DOCK1: variants seen among roughly 807,000 people sequenced by gnomAD.
DOCK1 encodes the protein dedicator of cytokinesis 1.
In DOCK1, 138 loss-of-function variants were observed where a neutral mutation model predicts 262.7. The observed-to-expected ratio is 0.53, with a 90% confidence interval of 0.46 to 0.61. The LOEUF (loss-of-function observed/expected upper bound fraction) is 0.61, where lower values mean the gene tolerates loss of function less well. Among genes scored for constraint, DOCK1 ranks in the 20% least tolerant of loss-of-function variants. The pLI, the probability that DOCK1 is intolerant of heterozygous loss-of-function variation, is 0.00. For synonymous variants in DOCK1, 866 were observed against 867.4 expected (o/e 1.00, Z 0.03); for missense variants, 1,908 against 2,370.7 (o/e 0.80, Z 4.05).
In DOCK1 at chr10:127,176,551, C is replaced by T. The variant is rs112781551; in HGVS notation, c.2847+48787C>T. Among the ~76,000 whole-genome samples, 250 of 152,288 alleles carry T rather than the reference C, an allele frequency of 1.6e-3. 1 individual carries two copies. The highest frequency in any genetic ancestry group is 5.7e-3 in the African/African-American group (237 of 41,566). ...GGCCTTTATGTTAAGGAAAATCACA[C>T]GGGCTGAGAGTCGCTGGCAGCACAG... On this transcript the variant is annotated intron_variant, in intron 27 of 51. Transcript: ENST00000623213. The surrounding 1 kb of genome is among the most constrained non-coding windows in gnomAD (Gnocchi z 4.4).
In DOCK1 at chr10:127,041,343, C is replaced by T. The variant is rs548243068; in HGVS notation, c.2011-1282C>T. Among the ~76,000 whole-genome samples the T allele has an allele frequency of 2.6e-5, 4 of 152,330 alleles. No individual in the cohort carries two copies. The South Asian group carries it at 8.3e-4, about 32-fold the overall frequency. ...GAACTCCCGACCTCAGGTGATCCGGCCTCCTCAGCCTCCCAAAGTGCTGAG... is the reference window on the plus strand; with the variant it reads ...GAACTCCCGACCTCAGGTGATCCGGTCTCCTCAGCCTCCCAAAGTGCTGAG... On this transcript the variant is annotated intron_variant, in intron 19 of 51. Transcript: ENST00000623213.
chr10:126,950,495 A>G (rs1426627761), intron 1 of DOCK1, among the ~76,000 whole-genome samples: 1 of 152,110 alleles, frequency 6.6e-6, no homozygotes, highest in Non-Finnish European at 1.5e-5. Context: ...GCTTTCTGGA[A>G]TAAGGGCAAT....
intron 3 of DOCK1, among the ~76,000 whole-genome samples, chr10:126,980,470 C>T (rs538493942): frequency 6.5e-4 from 99 of 152,282 alleles, no homozygotes; most frequent in African/African-American, 2.2e-3. Context: ...TCCCGAAGTG[C>T]CGGTTGCAGG....
intron 27 of DOCK1, among the ~76,000 whole-genome samples, chr10:127,204,608 G>C (rs2057628569): frequency 6.6e-6 from 1 of 152,090 alleles, no homozygotes; most frequent in Non-Finnish European, 1.5e-5. Context: ...AAAAAATAGA[G>C]ATGGGCGTTT....
intron 12 of DOCK1, among the ~76,000 whole-genome samples, chr10:127,016,963 A>G (rs374606810): frequency 1.2e-4 from 18 of 146,814 alleles, no homozygotes; most frequent in African/African-American, 4.2e-4. Context: ...GAGATATACC[A>G]CAAATACATA....
Position 127,175,551 on chromosome 10 carries a change from C to T in DOCK1, c.2847+47787C>T. On this transcript the variant is annotated intron_variant, in intron 27 of 51. Coordinates refer to ENST00000623213, the MANE Select transcript of DOCK1 (RefSeq NM_001290223.2). This position sits in a 1 kb window ranked among gnomAD's most constrained non-coding sequence, Gnocchi z 6.3. ...TCTCCTCCGCTCGTCATCTGCCGGGCAGAGTGACCACTGGCTGGCGGCTGC... is the reference window on the plus strand; with the variant it reads ...TCTCCTCCGCTCGTCATCTGCCGGGTAGAGTGACCACTGGCTGGCGGCTGC... 6.2e-7 allele frequency: 1 copy of T among 1,611,540 alleles called. No individual in the cohort carries two copies. Among genetic ancestry groups the T allele is most frequent in the Non-Finnish European group, 8.5e-7 (1 of 1,179,998 alleles).
intron 27 of DOCK1, among the ~76,000 whole-genome samples, chr10:127,143,693 G>A (rs2051500997): frequency 6.6e-6 from 1 of 152,166 alleles, no homozygotes; most frequent in Non-Finnish European, 1.5e-5. Context: ...TTGTCCAGAG[G>A]AAACTAAAAG....
At chr10:127,066,685 A>G (rs1455535370) in intron 23 of DOCK1, among the ~76,000 whole-genome samples, 1 of 152,222 alleles carries the variant, frequency 6.6e-6, no homozygotes, top group Admixed American at 6.5e-5. Context: ...TAGAAATAGC[A>G]TGAGCGCCTA....
intron 50 of DOCK1, 114 bp from the exon 51 acceptor site, chr10:127,447,280 G>A: frequency 6.8e-7 from 1 of 1,460,460 alleles, no homozygotes; most frequent in Admixed American, 2.3e-5. Context: ...TTTTCTGCCA[G>A]ATGAAGTGTT....
At chr10:127,186,996 G>A (rs2056333921) in intron 27 of DOCK1, among the ~76,000 whole-genome samples, 1 of 152,152 alleles carries the variant, frequency 6.6e-6, no homozygotes, top group Non-Finnish European at 1.5e-5. Context: ...GACTCCCAGC[G>A]TTTTGGTTGC....
chr10:126,951,818 G>A (rs1005607927), intron 1 of DOCK1, among the ~76,000 whole-genome samples: 45,746 of 150,890 alleles, frequency 0.3, 7,352 homozygotes, highest in Non-Finnish European at 0.36. Flanking sequence ...TGTACACTGA[G>A]TAAATGACTA....
chr10:126,948,652 G>T (rs1335423723), intron 1 of DOCK1, among the ~76,000 whole-genome samples: 2 of 151,962 alleles, frequency 1.3e-5, no homozygotes, highest in African/African-American at 4.8e-5. Flanking sequence ...GCAGGGTCAG[G>T]TATGCTGAGC....
chr10:126,960,004 C>T (rs1266826253), intron 1 of DOCK1, among the ~76,000 whole-genome samples: 1 of 152,120 alleles, frequency 6.6e-6, no homozygotes, highest in African/African-American at 2.4e-5. Flanking sequence ...GATGGGGTTT[C>T]ACCATGTTGG....
chr10:126,920,059 G>A (rs976819794), intron 1 of DOCK1, among the ~76,000 whole-genome samples: 11 of 152,236 alleles, frequency 7.2e-5, no homozygotes, highest in African/African-American at 1.2e-4. Flanking sequence ...CCTCCACCCC[G>A]GCTGTGGGAA....
rs536319972 is a variant in DOCK1, at chr10:127,166,135, G to A, written c.2847+38371G>A. 2.5e-4 allele frequency among the ~76,000 whole-genome samples: 38 copies of A among 152,116 alleles called. No homozygotes were observed. In the South Asian group the frequency reaches 5.4e-3, roughly 22 times the overall value. ...GGCTGGAGTGCAGGGGCACAATCTC[G>A]GCTCACTGCAAGCTCTGCCTCCCGG... is the stretch of plus-strand genomic sequence containing the variant. On this transcript the variant is annotated intron_variant, in intron 27 of 51. Transcript: ENST00000623213.
At chr10:127,284,108 T>C (rs773560396) in intron 29 of DOCK1, among the ~76,000 whole-genome samples, 1 of 152,194 alleles carries the variant, frequency 6.6e-6, no homozygotes, top group Non-Finnish European at 1.5e-5. Context: ...CCAAATGTAG[T>C]TTCTGTTTTT....
rs111288436 is a variant in DOCK1 at position 127,042,085 on chromosome 10, C to T, written c.2011-540C>T. Among the ~76,000 whole-genome samples, 366 of 152,274 alleles carry T rather than the reference C, an allele frequency of 2.4e-3. 1 individual carries two copies. Among genetic ancestry groups the T allele is most frequent in the African/African-American group, 7.7e-3 (320 of 41,566 alleles). The stretch of plus-strand genomic sequence containing the variant: ...TTTTAGTCAACTGTAACTGTAATTT[C>T]GACATTGTTGTTGAATAAAGTAAGC... On this transcript the variant is annotated intron_variant, in intron 19 of 51. Transcript: ENST00000623213.
At position 127,385,311 on chromosome 10, in the gene DOCK1, T is replaced by C. The variant is rs186375687; in HGVS notation, c.3927+402T>C. ...CCTGGTGGCTTCTAGTTTAATTGGC[T>C]TAAACAAAATTATAGATTCCACTTG... On this transcript the variant is annotated intron_variant, in intron 38 of 51. Transcript: ENST00000623213. 1.0e-3 allele frequency among the ~76,000 whole-genome samples: 154 copies of C among 152,290 alleles called. 1 individual carries two copies. Among genetic ancestry groups the C allele is most frequent in the Middle Eastern group, 3.4e-3 (1 of 294 alleles).
intron 29 of DOCK1, among the ~76,000 whole-genome samples, chr10:127,280,236 G>A (rs577276637): frequency 2.7e-4 from 41 of 151,368 alleles, no homozygotes; most frequent in African/African-American, 8.9e-4. Flanking sequence ...GGGTTTCACC[G>A]TTTTAGCCGG....
Sources: gnomAD v4.1 joint callset for allele counts (sites outside exome capture counted in the v4.1 genomes callset) on GRCh38, gnomAD v4.1.1 for gene constraint, Gnocchi (gnomAD v3.1) non-coding constraint, MANE v1.5 for transcripts, NCBI Gene and HGNC (gene_info 2026-07-23, HGNC 2026-07-21) for gene names.